The following PLCL1 variants were observed in gnomAD, a reference collection of about 807,000 sequenced individuals.
PLCL1 encodes the protein inactive phospholipase C-like protein 1.
In PLCL1, 41 loss-of-function variants were observed where a neutral mutation model predicts 84.4. That is an observed-to-expected ratio of 0.49 (90% CI 0.38 to 0.63). The LOEUF (loss-of-function observed/expected upper bound fraction) is 0.63. Among genes scored for constraint, PLCL1 ranks in the 30% least tolerant of loss-of-function variants. PLCL1 has a pLI of 0.00. For synonymous variants in PLCL1, 490 were observed against 488.3 expected (o/e 1.00, Z -0.05); for missense variants, 1,206 against 1,367.8 (o/e 0.88, Z 1.87).
At chr2:198,102,742 A>G (rs983983530) in intron 4 of PLCL1, among the ~76,000 whole-genome samples, 1 of 152,118 alleles carries the variant, frequency 6.6e-6, no homozygotes, top group East Asian at 1.9e-4. Flanking sequence ...TCAAATATCT[A>G]AAAGCTTGCA....
chr2:197,922,656 C>A, intron 1 of PLCL1, among the ~76,000 whole-genome samples: 1 of 133,220 alleles, frequency 7.5e-6, no homozygotes, highest in African/African-American at 2.8e-5. Context: ...CCCCCCCACC[C>A]CCCCACCTCC....
chr2:197,904,818 T>C (rs1393210216), intron 1 of PLCL1, among the ~76,000 whole-genome samples: 1 of 152,224 alleles, frequency 6.6e-6, no homozygotes, highest in Non-Finnish European at 1.5e-5. Context: ...AAAATTTTGT[T>C]TGTTGCATAT....
At chr2:197,918,742 C>A (rs73056840) in intron 1 of PLCL1, among the ~76,000 whole-genome samples, 29,336 of 151,690 alleles carry the variant, frequency 0.19, 2,902 homozygotes, top group East Asian at 0.27. Context: ...AGCAACATGG[C>A]GAAACTCAAT....
intron 1 of PLCL1, among the ~76,000 whole-genome samples, chr2:197,874,134 C>T (rs547275199): frequency 1.6e-4 from 24 of 152,216 alleles, no homozygotes; most frequent in South Asian, 2.1e-4. Context: ...AAAATAATGA[C>T]GGATTCAAAT....
At chr2:197,813,006 G>A in intron 1 of PLCL1, among the ~76,000 whole-genome samples, 1 of 152,146 alleles carries the variant, frequency 6.6e-6, no homozygotes, top group East Asian at 1.9e-4. Context: ...CCGATGATGA[G>A]GGTGCGCACA....
At chr2:198,064,116 A>G (rs898427036) in intron 1 of PLCL1, among the ~76,000 whole-genome samples, 5 of 152,112 alleles carry the variant, frequency 3.3e-5, no homozygotes, top group Non-Finnish European at 7.4e-5. Flanking sequence ...GGGGATATCC[A>G]CTCTCAGGGA....
At chr2:197,881,270 CAG>C (rs1447438892) in intron 1 of PLCL1, among the ~76,000 whole-genome samples, 3 of 152,164 alleles carry the variant, frequency 2.0e-5, no homozygotes, top group Non-Finnish European at 4.4e-5. Flanking sequence ...TTGGGAGAAA[CAG>C]AGGTTAACCA....
At chr2:197,955,197 A>G (rs1329159917) in intron 1 of PLCL1, among the ~76,000 whole-genome samples, 1 of 151,974 alleles carries the variant, frequency 6.6e-6, no homozygotes, top group Non-Finnish European at 1.5e-5. Context: ...TTCTTAATAC[A>G]GCTTTGCAGA....
intron 1 of PLCL1, among the ~76,000 whole-genome samples, chr2:197,823,664 G>A (rs891255241): frequency 1.3e-5 from 2 of 152,102 alleles, no homozygotes; most frequent in Non-Finnish European, 2.9e-5. Context: ...TTGGAGTTGT[G>A]ATGGTCATCT....
chr2:198,130,661 A>T (rs1487175427), intron 5 of PLCL1, among the ~76,000 whole-genome samples: 1 of 152,078 alleles, frequency 6.6e-6, no homozygotes, highest in East Asian at 1.9e-4. Context: ...TCCTGCTTGA[A>T]TGAATAAATG....
intron 1 of PLCL1, among the ~76,000 whole-genome samples, chr2:198,031,871 C>A (rs571964372): frequency 2.6e-5 from 4 of 151,980 alleles, no homozygotes; most frequent in Non-Finnish European, 5.9e-5. Flanking sequence ...TGTTGGGTGA[C>A]AATTAGAAAA....
At chr2:197,861,252 T>C (rs900940579) in intron 1 of PLCL1, among the ~76,000 whole-genome samples, 6 of 152,100 alleles carry the variant, frequency 3.9e-5, no homozygotes, top group African/African-American at 1.4e-4. Context: ...CAATAGACAA[T>C]ATTTTAATCA....
chr2:197,884,069 A>G (rs1486451793), intron 1 of PLCL1, among the ~76,000 whole-genome samples: 1 of 152,188 alleles, frequency 6.6e-6, no homozygotes, highest in Admixed American at 6.5e-5. Context: ...GTTCTACCTA[A>G]CTGGGATATT....
At chr2:198,133,582 G>A (rs1176096310) in intron 5 of PLCL1, among the ~76,000 whole-genome samples, 1 of 150,752 alleles carries the variant, frequency 6.6e-6, no homozygotes, top group African/African-American at 2.4e-5. Context: ...AAATAAGAAT[G>A]TAAGAGTGAT....
intron 1 of PLCL1, among the ~76,000 whole-genome samples, chr2:198,054,163 C>G (rs1692008643): frequency 6.6e-6 from 1 of 152,120 alleles, no homozygotes; most frequent in African/African-American, 2.4e-5. Flanking sequence ...ATCAGAACAC[C>G]TAAATACATA....
At chr2:198,048,442 AT>A (rs1271312264) in intron 1 of PLCL1, among the ~76,000 whole-genome samples, 2 of 152,072 alleles carry the variant, frequency 1.3e-5, no homozygotes, top group African/African-American at 2.4e-5. Flanking sequence ...AGACTGGGTA[AT>A]TTATAAGGAA....
Position 198,085,612 on chromosome 2 carries a change from A to G in PLCL1, c.2095A>G (p.Ile699Val), listed in dbSNP as rs1692856101. ...ATGTGGTTATGTTCTAAGGCCGTCTATAATGCGAGATGAAGTTTCTTACTT... is the reference window on the plus strand; with the variant it reads ...ATGTGGTTATGTTCTAAGGCCGTCTGTAATGCGAGATGAAGTTTCTTACTT... ...GGCGYVLRPSIMRDEVSYFSA... is the reference protein window; with the variant it reads ...GGCGYVLRPSVMRDEVSYFSA... The change falls in exon 2 of 6, where the codon ATA becomes GTA. Residue 699 changes from isoleucine to valine, a missense_variant. By Grantham distance (29) the Ile-to-Val change is conservative (BLOSUM62 3). Coordinates refer to ENST00000428675, the MANE Select transcript of PLCL1 (RefSeq NM_006226.4). The surrounding 1 kb of genome is among the most constrained non-coding windows in gnomAD (Gnocchi z 5.3). 6.2e-7 allele frequency: 1 copy of G among 1,614,158 alleles called. No individual in the cohort carries two copies. Among genetic ancestry groups the G allele is most frequent in the Non-Finnish European group, 8.5e-7 (1 of 1,180,006 alleles).
intron 1 of PLCL1, among the ~76,000 whole-genome samples, chr2:197,973,733 G>C (rs1010385160): frequency 6.6e-6 from 1 of 152,206 alleles, no homozygotes; most frequent in African/African-American, 2.4e-5. Context: ...AGCATGACAG[G>C]AGTTGAGGTC....
At chr2:198,013,296 G>C (rs1574246217) in intron 1 of PLCL1, among the ~76,000 whole-genome samples, 1 of 151,974 alleles carries the variant, frequency 6.6e-6, no homozygotes, top group East Asian at 1.9e-4. Context: ...ATCACTCCTG[G>C]TTCTAGGTTT....
Sources: allele counts gnomAD v4.1 joint callset (sites outside exome capture counted in the v4.1 genomes callset), GRCh38; gene constraint gnomAD v4.1.1; non-coding constraint Gnocchi (gnomAD v3.1); transcripts MANE v1.5; gene names NCBI Gene and HGNC (gene_info 2026-07-23, HGNC 2026-07-21).